The following PSD3 variants were observed in gnomAD, a reference collection of about 807,000 sequenced individuals.
PSD3 encodes the protein PH and SEC7 domain-containing protein 3.
In PSD3, 49 loss-of-function variants were observed where a neutral mutation model predicts 105.5. The observed-to-expected ratio is 0.46, with a 90% CI of 0.37 to 0.59. PSD3 has a LOEUF of 0.59. Ranked by LOEUF, PSD3 falls within the 20% of genes least tolerant of loss-of-function variation. PSD3 has a pLI of 0.00. For missense variants in PSD3, 1,561 were observed against 1,263.8 expected, an observed-to-expected ratio of 1.24 and a Z score of -3.57; for synonymous variants, 557 against 457.8, an observed-to-expected ratio of 1.22 and a Z score of -2.77.
At chr8:18,600,551 A>T in intron 11 of PSD3, 117 bp from the exon 12 acceptor site, 1 of 834,856 alleles carries the variant, frequency 1.2e-6, no homozygotes, top group Non-Finnish European at 1.9e-6. Flanking sequence ...GAAAGTAATA[A>T]CAATAAGAAC....
intron 15 of PSD3, among the ~76,000 whole-genome samples, chr8:18,536,885 C>A (rs565332294): frequency 9.9e-4 from 150 of 152,142 alleles, no homozygotes; most frequent in Non-Finnish European, 1.8e-3. Context: ...CCTGCCTCAA[C>A]GCATGAAGAA....
intron 2 of PSD3, among the ~76,000 whole-genome samples, chr8:18,889,376 C>G (rs7004422): frequency 0.41 from 62,943 of 151,794 alleles, 15,454 homozygotes; most frequent in African/African-American, 0.67. Flanking sequence ...AGACAGAAAA[C>G]ACCCCTGTGC....
At chr8:18,931,705 A>C (rs938269183) in intron 2 of PSD3, among the ~76,000 whole-genome samples, 5 of 152,180 alleles carry the variant, frequency 3.3e-5, no homozygotes, top group Non-Finnish European at 7.3e-5. Context: ...GGCAATGTGA[A>C]AACAGTTCTC....
intron 4 of PSD3, among the ~76,000 whole-genome samples, chr8:18,842,268 G>A (rs1814689467): frequency 6.6e-6 from 1 of 152,210 alleles, no homozygotes; most frequent in African/African-American, 2.4e-5. Context: ...CAAGGCAGCT[G>A]AAGACTGCAC....
rs1235139307 is a variant in PSD3, at chr8:18,606,093, TAC to T, written c.2411-5661_2411-5660del. On this transcript the variant is annotated intron_variant, in intron 11 of 15. Transcript: ENST00000327040. ...TGTCTAAGCACAGGTTTCTTTAATT[TAC>T]ACAGACTGCTGTTCTTTGAGCTTCC... Among the ~76,000 whole-genome samples, 5 of 152,230 alleles carry T rather than the reference TAC, an allele frequency of 3.3e-5. 1 individual carries two copies. Among genetic ancestry groups the T allele is most frequent in the African/African-American group, 1.2e-4 (5 of 41,454 alleles).
chr8:18,780,888 C>T (rs577934676), intron 8 of PSD3, among the ~76,000 whole-genome samples: 2 of 152,324 alleles, frequency 1.3e-5, no homozygotes, highest in Admixed American at 1.3e-4. Context: ...TTGATTATGA[C>T]AGATATTGTC....
chr8:18,770,789 G>T (rs1254181670), intron 8 of PSD3, among the ~76,000 whole-genome samples: 1 of 152,242 alleles, frequency 6.6e-6, no homozygotes, highest in Non-Finnish European at 1.5e-5. Context: ...GGGTGAGATG[G>T]CTGCCTTCTG....
chr8:18,874,505 C>T (rs1817603697), intron 2 of PSD3, among the ~76,000 whole-genome samples: 1 of 151,824 alleles, frequency 6.6e-6, no homozygotes, highest in South Asian at 2.1e-4. Context: ...TACAACCTTC[C>T]TATTTAGTGA....
chr8:18,877,085 T>G (rs1817776433), intron 2 of PSD3, among the ~76,000 whole-genome samples: 1 of 152,216 alleles, frequency 6.6e-6, no homozygotes, highest in South Asian at 2.1e-4. Context: ...ATGTACACTT[T>G]GCAAATGTTT....
chr8:18,620,576 G>A (rs1806043026), intron 11 of PSD3, among the ~76,000 whole-genome samples: 1 of 152,088 alleles, frequency 6.6e-6, no homozygotes, highest in East Asian at 1.9e-4. Flanking sequence ...GGGTGTGACA[G>A]CACATTCCTG....
intron 1 of PSD3, among the ~76,000 whole-genome samples, chr8:19,009,162 A>G (rs1397645801): frequency 6.6e-6 from 1 of 152,198 alleles, no homozygotes; most frequent in African/African-American, 2.4e-5. Flanking sequence ...TTGTTGTTTA[A>G]TTACACCATT....
chr8:18,773,769 C>T (rs1585923706), intron 8 of PSD3, among the ~76,000 whole-genome samples: 1 of 152,074 alleles, frequency 6.6e-6, no homozygotes, highest in African/African-American at 2.4e-5. Context: ...ATTTGTCTGT[C>T]CATTTCTTTA....
At chr8:18,803,698 A>G (rs1439893695) in intron 6 of PSD3, among the ~76,000 whole-genome samples, 3 of 152,152 alleles carry the variant, frequency 2.0e-5, no homozygotes, top group Admixed American at 6.5e-5. Context: ...CAAATAATGT[A>G]TATATCAATT....
intron 15 of PSD3, among the ~76,000 whole-genome samples, chr8:18,551,094 G>A (rs958491649): frequency 2.6e-5 from 4 of 152,166 alleles, no homozygotes; most frequent in African/African-American, 9.7e-5. Flanking sequence ...GGGTGGGTTT[G>A]CCTTGTGACA....
intron 2 of PSD3, chr8:18,886,909 C>G (rs909634115): frequency 1.3e-5 from 2 of 152,222 alleles, no homozygotes; most frequent in African/African-American, 4.8e-5. Flanking sequence ...CTGTCTGCCT[C>G]TGCCGCTCTC....
At chr8:18,562,955 C>A (rs2468980) in intron 14 of PSD3, among the ~76,000 whole-genome samples, 141,709 of 152,016 alleles carry the variant, frequency 0.93, 66,178 homozygotes, top group Non-Finnish European at 0.97. Flanking sequence ...AAAACAAAAC[C>A]AAACCTATGT....
chr8:18,778,668 T>C (rs962305218), intron 8 of PSD3, among the ~76,000 whole-genome samples: 1 of 151,922 alleles, frequency 6.6e-6, no homozygotes, highest in South Asian at 2.1e-4. Flanking sequence ...GGATGTTGAA[T>C]TTTATGAAAC....
chr8:18,759,538 C>T (rs1001769323), intron 9 of PSD3, among the ~76,000 whole-genome samples: 6 of 152,136 alleles, frequency 3.9e-5, no homozygotes, highest in Non-Finnish European at 5.9e-5. Flanking sequence ...TCTTTCTACT[C>T]TCCCTTGGTA....
chr8:18,717,735 G>C (rs570570364), intron 9 of PSD3, among the ~76,000 whole-genome samples: 3 of 152,252 alleles, frequency 2.0e-5, no homozygotes, highest in African/African-American at 7.2e-5. Flanking sequence ...AGATAAAAAA[G>C]CAAAACAAAA....
Sources: allele counts gnomAD v4.1 joint callset (sites outside exome capture counted in the v4.1 genomes callset), GRCh38; gene constraint gnomAD v4.1.1; transcripts MANE v1.5; gene names NCBI Gene and HGNC (gene_info 2026-07-23, HGNC 2026-07-21).